The following FAAH2 variants were observed in gnomAD, a reference collection of about 807,000 sequenced individuals.
FAAH2 encodes fatty-acid amide hydrolase 2.
FAAH2 carries 60 observed loss-of-function variants against 36.9 expected under a neutral mutation model. The ratio of observed to expected loss-of-function variants is 1.63; its 90% confidence interval spans 1.32 to 2.02. The LOEUF (loss-of-function observed/expected upper bound fraction) is 2.02, where lower values mean the gene tolerates loss of function less well. Ranked by LOEUF, FAAH2 falls within the 30% of genes most tolerant of loss-of-function variation. The pLI, the probability that FAAH2 is intolerant of heterozygous loss-of-function variation, is 0.00. For synonymous variants in FAAH2, 214 were observed against 143.8 expected, an observed-to-expected ratio of 1.49 and a Z score of -3.49; for missense variants, 689 against 397.5, an observed-to-expected ratio of 1.73 and a Z score of -6.23.
chrX:57,384,485 A>G (rs1431009232), intron 7 of FAAH2, among the ~76,000 whole-genome samples: 1 of 109,779 alleles, frequency 9.1e-6, no homozygotes, highest in Non-Finnish European at 1.9e-5. Context: ...CAAGAAAAAA[A>G]CAAACAACCC....
intron 5 of FAAH2, among the ~76,000 whole-genome samples, chrX:57,369,787 G>A (rs1016950942): frequency 1.8e-5 from 2 of 111,736 alleles, no homozygotes; most frequent in African/African-American, 6.5e-5. Context: ...AGGTAAATTT[G>A]TTGTGAAATT....
chrX:57,265,141 C>G, the FAAH2 span, among the ~76,000 whole-genome samples: 1 of 111,331 alleles, frequency 9.0e-6, no homozygotes, highest in East Asian at 2.8e-4. Context: ...ACCCACTCCA[C>G]GTGGGCCTTC....
At chrX:57,263,777 T>A in the FAAH2 span, among the ~76,000 whole-genome samples, 4 of 111,536 alleles carry the variant, frequency 3.6e-5, no homozygotes, top group African/African-American at 1.3e-4. Flanking sequence ...ACATGAAGAA[T>A]CTTTCTACCC....
chrX:57,141,848 A>G, the FAAH2 span, among the ~76,000 whole-genome samples: 2 of 110,884 alleles, frequency 1.8e-5, no homozygotes, highest in Admixed American at 1.9e-4. Context: ...TTTGTTACAT[A>G]GGTATATGTG....
At chrX:57,361,168 G>T (rs1488256526) in intron 5 of FAAH2, among the ~76,000 whole-genome samples, 2 of 111,636 alleles carry the variant, frequency 1.8e-5, no homozygotes, top group Non-Finnish European at 3.8e-5. Context: ...AAACCATCAG[G>T]TTACTGCTTC....
intron 2 of FAAH2, among the ~76,000 whole-genome samples, chrX:57,310,036 A>C (rs189839547): frequency 8.9e-6 from 1 of 112,533 alleles, no homozygotes; most frequent in African/African-American, 3.2e-5. Context: ...ACTAATTTAC[A>C]TTCTCACCAA....
chrX:57,125,445 A>T, the FAAH2 span, among the ~76,000 whole-genome samples: 3 of 111,712 alleles, frequency 2.7e-5, no homozygotes, highest in African/African-American at 9.8e-5. Flanking sequence ...TTGGGGGGTT[A>T]CCAAGGTTCT....
At chrX:57,447,156 AATCTT>A (rs1367788400) in intron 9 of FAAH2, 117 bp downstream of exon 9, 1 of 448,274 alleles carries the variant, frequency 2.2e-6, no homozygotes, top group Non-Finnish European at 3.7e-6. Flanking sequence ...GGGGTACTGA[AATCTT>A]AACGCTCCAA....
chrX:57,341,688 C>T (rs751318129), intron 5 of FAAH2, among the ~76,000 whole-genome samples: 12 of 109,601 alleles, frequency 1.1e-4, no homozygotes, highest in Non-Finnish European at 2.3e-4. Flanking sequence ...TTAAATAAAC[C>T]GGCTCCAAAT....
chrX:57,349,444 CATAGATACAT>C (rs1243789141), intron 5 of FAAH2, among the ~76,000 whole-genome samples: 3 of 94,580 alleles, frequency 3.2e-5, no homozygotes, highest in African/African-American at 1.2e-4. Flanking sequence ...CATATATACA[CATAGATACAT>C]ATATATACAT....
chrX:57,156,524 G>C, the FAAH2 span, among the ~76,000 whole-genome samples: 1 of 111,514 alleles, frequency 9.0e-6, no homozygotes, highest in Admixed American at 9.6e-5. Context: ...GAATCTTCTG[G>C]AAATGGTTTT....
chrX:57,352,020 G>GTATATATATATATATATATATATATATA (rs1555979965), intron 5 of FAAH2, among the ~76,000 whole-genome samples: 1 of 7,765 alleles, frequency 1.3e-4, no homozygotes, highest in African/African-American at 1.5e-4. Flanking sequence ...ATGTGTGTGT[G>GTATATATATATATATATATATATATATA]TATATATATA....
the FAAH2 span, among the ~76,000 whole-genome samples, chrX:57,210,643 G>A: frequency 1.8e-5 from 2 of 112,599 alleles, no homozygotes; most frequent in East Asian, 2.8e-4. Context: ...CTTACAGTTA[G>A]CATAACAGAG....
chrX:57,140,817 A>G, the FAAH2 span, among the ~76,000 whole-genome samples: 1 of 111,461 alleles, frequency 9.0e-6, no homozygotes, highest in African/African-American at 3.3e-5. Context: ...AATAGACACT[A>G]GGATTTCCAA....
At chrX:57,460,700 C>A (rs976999112) in intron 10 of FAAH2, among the ~76,000 whole-genome samples, 4 of 111,632 alleles carry the variant, frequency 3.6e-5, no homozygotes, top group African/African-American at 1.3e-4. Flanking sequence ...CAAAAATACA[C>A]CAAAATATAA....
At chrX:57,265,734 C>T in the FAAH2 span, among the ~76,000 whole-genome samples, 2 of 111,953 alleles carry the variant, frequency 1.8e-5, no homozygotes, top group South Asian at 3.7e-4. Flanking sequence ...GGACCATTAT[C>T]TTTGTTGTTT....
At chrX:57,332,860 TC>T (rs2053445945) in intron 4 of FAAH2, among the ~76,000 whole-genome samples, 1 of 111,747 alleles carries the variant, frequency 8.9e-6, no homozygotes, top group Non-Finnish European at 1.9e-5. Context: ...AACTATTTTT[TC>T]AGAACCTAAC....
chrX:57,335,207 T>C (rs745908382), intron 4 of FAAH2, among the ~76,000 whole-genome samples: 1 of 110,216 alleles, frequency 9.1e-6, no homozygotes, highest in South Asian at 3.9e-4. Context: ...CGTTTCTCGT[T>C]AGGTGGAATG....
intron 10 of FAAH2, among the ~76,000 whole-genome samples, chrX:57,475,185 G>A (rs1255933094): frequency 9.0e-6 from 1 of 111,556 alleles, no homozygotes; most frequent in Non-Finnish European, 1.9e-5. Context: ...CTGAGAAGAA[G>A]CTATTTAATT....
Sources: allele counts gnomAD v4.1 joint callset (sites outside exome capture counted in the v4.1 genomes callset), GRCh38; gene constraint gnomAD v4.1.1; transcripts MANE v1.5; gene names NCBI Gene and HGNC (gene_info 2026-07-23, HGNC 2026-07-21).